The following ANKRD12 variants were observed in gnomAD, a reference collection of about 807,000 sequenced individuals.
ANKRD12 encodes ankyrin repeat domain-containing protein 12.
ANKRD12 carries 85 observed loss-of-function variants against 183.4 expected under a neutral mutation model. That is an observed-to-expected ratio of 0.46 (90% CI 0.39 to 0.56). The LOEUF is 0.56. Ranked by LOEUF, ANKRD12 falls within the 20% of genes least tolerant of loss-of-function variation. The pLI, the probability that ANKRD12 is intolerant of heterozygous loss-of-function variation, is 0.00. For missense variants in ANKRD12, 2,405 were observed against 2,357.1 expected (o/e 1.02, Z -0.42); for synonymous variants, 914 against 800.2 (o/e 1.14, Z -2.40).
intron 1 of ANKRD12, among the ~76,000 whole-genome samples, chr18:9,142,561 A>G (rs538692520): frequency 4.6e-5 from 7 of 152,298 alleles, no homozygotes; most frequent in Admixed American, 2.6e-4. Flanking sequence ...GTAAACATTA[A>G]AAACATTCCT....
In ANKRD12 at chr18:9,262,787, C is replaced by CTTTTTTTT. The variant is rs71168048; in HGVS notation, c.5665-981_5665-974dup. ...GCCACCATGCCCAGCCAAGATGTCCCTTTTTTTTTTTTTTTTTTTTTTTTT... is the reference window on the plus strand; with the variant it reads ...GCCACCATGCCCAGCCAAGATGTCCCTTTTTTTTTTTTTTTTTTTTTTTTTTTTTTTTT... On this transcript the variant is annotated intron_variant, in intron 9 of 12. Transcript: ENST00000262126. 2.1e-4 allele frequency among the ~76,000 whole-genome samples: 18 copies of CTTTTTTTT among 83,768 alleles called. 2 individuals are homozygous for CTTTTTTTT. Among genetic ancestry groups the CTTTTTTTT allele is most frequent in the African/African-American group, 7.9e-4 (14 of 17,626 alleles). 55.0% of individuals were successfully genotyped at this position (83,768 alleles called of 152,430 possible).
intron 9 of ANKRD12, among the ~76,000 whole-genome samples, chr18:9,262,118 CAT>C (rs1161950873): frequency 6.6e-6 from 1 of 152,138 alleles, no homozygotes; most frequent in Non-Finnish European, 1.5e-5. Context: ...TGTTATTTAA[CAT>C]GTTTTCAGTC....
rs557821112 is a variant in ANKRD12 at position 9,195,927 on chromosome 18, G to T, written c.235+229G>T. On this transcript the variant is annotated intron_variant, in intron 3 of 12. Coordinates refer to ENST00000262126, the MANE Select transcript of ANKRD12 (RefSeq NM_015208.5). Reference sequence around the variant, plus strand: ...TCCTTACTCTTTGAATGTTTATTGTGAATTTCTTTATCAAGAAATTAATTT... The same window carrying T: ...TCCTTACTCTTTGAATGTTTATTGTTAATTTCTTTATCAAGAAATTAATTT... 4.6e-5 allele frequency among the ~76,000 whole-genome samples: 7 copies of T among 152,052 alleles called. No homozygotes were observed. The East Asian group carries it at 1.4e-3, about 29-fold the overall frequency.
chr18:9,179,783 G>T (rs2033563314), intron 1 of ANKRD12, among the ~76,000 whole-genome samples: 1 of 152,212 alleles, frequency 6.6e-6, no homozygotes, highest in South Asian at 2.1e-4. Flanking sequence ...CTCCCAAAGT[G>T]CTGGGATTAC....
chr18:9,159,479 T>C (rs1238365148), intron 1 of ANKRD12, among the ~76,000 whole-genome samples: 1 of 152,134 alleles, frequency 6.6e-6, no homozygotes, highest in Non-Finnish European at 1.5e-5. Context: ...TCGCCCAGGC[T>C]GGGGTGCAGT....
At chr18:9,208,578 T>G in intron 4 of ANKRD12, 79 bp from the exon 5 acceptor site, 1 of 1,281,116 alleles carries the variant, frequency 7.8e-7, no homozygotes, top group Non-Finnish European at 1.1e-6. Flanking sequence ...GTACAGCATC[T>G]ATCAAAAAAT....
chr18:9,194,262 TA>T (rs1380435103), intron 2 of ANKRD12, among the ~76,000 whole-genome samples: 1 of 152,254 alleles, frequency 6.6e-6, no homozygotes, highest in East Asian at 1.9e-4. Context: ...GCATTTCTAG[TA>T]AGTTTCTAGG....
At chr18:9,240,143 G>T (rs1287929706) in intron 8 of ANKRD12, among the ~76,000 whole-genome samples, 1 of 152,166 alleles carries the variant, frequency 6.6e-6, no homozygotes, top group African/African-American at 2.4e-5. Context: ...TAAACAATTT[G>T]CAGGTTTGCC....
chr18:9,253,143 A>G (rs1025882603), intron 8 of ANKRD12, among the ~76,000 whole-genome samples: 6 of 152,188 alleles, frequency 3.9e-5, no homozygotes, highest in Non-Finnish European at 8.8e-5. Context: ...CTACAAGTAT[A>G]CAATGTGTAA....
At chr18:9,251,654 C>T (rs1051834472) in intron 8 of ANKRD12, among the ~76,000 whole-genome samples, 3 of 151,936 alleles carry the variant, frequency 2.0e-5, no homozygotes, top group Non-Finnish European at 4.4e-5. Context: ...ATTAGACATG[C>T]GTGGTGGCAG....
At chr18:9,274,069 C>A (rs1480262660) in intron 10 of ANKRD12, among the ~76,000 whole-genome samples, 1 of 152,226 alleles carries the variant, frequency 6.6e-6, no homozygotes, top group Non-Finnish European at 1.5e-5. Flanking sequence ...GTACAGAATT[C>A]TCTTGGCCTT....
chr18:9,263,686 C>T, intron 9 of ANKRD12, 104 bp from the exon 10 acceptor site: 1 of 717,098 alleles, frequency 1.4e-6, no homozygotes, highest in Non-Finnish European at 2.1e-6. Flanking sequence ...CACAGGACAT[C>T]AGAATTTGTT....
At chr18:9,213,203 G>A (rs1263814906) in intron 6 of ANKRD12, among the ~76,000 whole-genome samples, 1 of 151,732 alleles carries the variant, frequency 6.6e-6, no homozygotes, top group African/African-American at 2.4e-5. Context: ...GTTTTTACAT[G>A]TAGCCCTATT....
chr18:9,168,342 C>G (rs917400498), intron 1 of ANKRD12, among the ~76,000 whole-genome samples: 1 of 152,142 alleles, frequency 6.6e-6, no homozygotes, highest in Non-Finnish European at 1.5e-5. Context: ...GTGAATCCAT[C>G]TGGTCCTGGA....
intron 2 of ANKRD12, among the ~76,000 whole-genome samples, chr18:9,187,418 A>T (rs1567893550): frequency 6.6e-6 from 1 of 151,622 alleles, no homozygotes; most frequent in African/African-American, 2.4e-5. Context: ...TTCATTTTTA[A>T]TTTTTTTTTA....
chr18:9,248,637 A>G (rs954574401), intron 8 of ANKRD12, among the ~76,000 whole-genome samples: 5 of 152,246 alleles, frequency 3.3e-5, no homozygotes, highest in African/African-American at 9.6e-5. Context: ...TACAAACACC[A>G]CTATATAAAC....
At chr18:9,265,360 C>A (rs1426347457) in intron 10 of ANKRD12, among the ~76,000 whole-genome samples, 3 of 152,218 alleles carry the variant, frequency 2.0e-5, no homozygotes, top group Non-Finnish European at 4.4e-5. Flanking sequence ...AGTAGCCTAA[C>A]TGGGAGGCAC....
At chr18:9,272,868 A>G (rs149613601) in intron 10 of ANKRD12, among the ~76,000 whole-genome samples, 29 of 152,280 alleles carry the variant, frequency 1.9e-4, no homozygotes, top group South Asian at 2.1e-4. Context: ...AAACTCTGCA[A>G]TAATACATTT....
chr18:9,256,721 A>G lies in ANKRD12; in HGVS notation c.3454A>G (p.Lys1152Glu). 1 of 1,612,016 alleles carries G rather than the reference A, an allele frequency of 6.2e-7. No individual in the cohort carries two copies. Among genetic ancestry groups the G allele is most frequent in the Non-Finnish European group, 8.5e-7 (1 of 1,179,424 alleles). ...KSSEVTDAYT[K>E]EKQPKDAVSN... ...TTCAGAAGTGACTGATGCATATACC[A>G]AGGAGAAACAACCTAAAGATGCTGT... The change falls in exon 9 of 13, where the codon AAG (lysine) becomes GAG (glutamate). Residue 1152 changes from lysine (K) to glutamate (E), a missense_variant. Lys to Glu is a moderately conservative substitution (Grantham distance 56). This residue lies in a region of ANKRD12 where 1,983 missense variants were observed against 1,725.9 expected (regional missense o/e 1.15). Transcript: ENST00000262126.
Sources: gnomAD v4.1 joint callset for allele counts (sites outside exome capture counted in the v4.1 genomes callset) on GRCh38, gnomAD v4.1.1 for gene constraint, gnomAD v4.1.1 regional missense constraint, MANE v1.5 for transcripts, NCBI Gene and HGNC (gene_info 2026-07-23, HGNC 2026-07-21) for gene names.